SYF2: variants seen among roughly 807,000 people sequenced by gnomAD.
SYF2 encodes the protein pre-mRNA-splicing factor SYF2.
Under a neutral mutation model 32.7 loss-of-function variants are expected in SYF2, and 21 were observed. That is an observed-to-expected ratio of 0.64 (90% CI 0.45 to 0.92). SYF2 has a LOEUF of 0.92. Among genes scored for constraint, SYF2 ranks in the 40% least tolerant of loss-of-function variants. The pLI, the probability that SYF2 is intolerant of heterozygous loss-of-function variation, is 0.00. For missense variants in SYF2, 278 were observed against 296.5 expected (o/e 0.94, Z 0.46); for synonymous variants, 114 against 103.9 (o/e 1.10, Z -0.59).
chr1:25,232,287 G>A (rs1399579304), intron 1 of SYF2, 76 bp from the exon 2 acceptor site: 1 of 1,581,238 alleles, frequency 6.3e-7, no homozygotes, highest in Non-Finnish European at 8.6e-7. Context: ...GTCCCCGCCG[G>A]TCCCCACAGG....
At chr1:25,228,858 G>T in intron 3 of SYF2, 140 bp downstream of exon 3, 1 of 847,994 alleles carries the variant, frequency 1.2e-6, no homozygotes, top group Non-Finnish European at 1.8e-6. Flanking sequence ...CCAACGTGTT[G>T]CAGTTGGTAC....
chr1:25,223,962 G>A (rs1235765384), intron 6 of SYF2, among the ~76,000 whole-genome samples: 1 of 152,198 alleles, frequency 6.6e-6, no homozygotes, highest in Non-Finnish European at 1.5e-5. Context: ...GGGAGGCCAA[G>A]GCAGGTAGAT....
At chr1:25,231,959 G>T (rs1265142831) in intron 2 of SYF2, 145 bp downstream of exon 2, 15 of 812,282 alleles carry the variant, frequency 1.8e-5, no homozygotes. Context: ...TGCCAGGGTT[G>T]AGTACCACCG....
chr1:25,231,432 T>A (rs1368720938), intron 2 of SYF2: 1 of 152,316 alleles, frequency 6.6e-6, no homozygotes, highest in Non-Finnish European at 1.5e-5. Flanking sequence ...CTTGGATATC[T>A]CTTTCTCTAA....
rs1190205868 is a variant in SYF2 at position 25,223,236 on chromosome 1, T to G, written c.*30A>C. 3.2e-6 allele frequency: 5 copies of G among 1,551,386 alleles called. No individual in the cohort carries two copies. The highest frequency in any genetic ancestry group is 4.3e-6 in the Non-Finnish European group (5 of 1,149,966). On this transcript the variant is annotated 3_prime_UTR_variant, in exon 7 of 7. Transcript: ENST00000236273. ...GCTAGCAGAAATTTTTACCCCATTCTCAAGCTTCTATAAACAGTTCTTGAA... is the reference window on the plus strand; with the variant it reads ...GCTAGCAGAAATTTTTACCCCATTCGCAAGCTTCTATAAACAGTTCTTGAA...
At chr1:25,231,870 A>G (rs527818647) in intron 2 of SYF2, 355 of 596,884 alleles carry the variant, frequency 5.9e-4, no homozygotes, top group Non-Finnish European at 4.1e-4. Context: ...ACCCAGATAC[A>G]TTAAATTGGA....
rs998689330 is a variant in SYF2 at position 25,222,393 on chromosome 1, T to G, written c.*873A>C. 1.3e-5 allele frequency among the ~76,000 whole-genome samples: 2 copies of G among 151,962 alleles called. No individual in the cohort carries two copies. Among genetic ancestry groups the G allele is most frequent in the Non-Finnish European group, 2.9e-5 (2 of 68,014 alleles). ...TATTGTGGTCATTTAAGTCTTTATC[T>G]TTCAGAGATACATACTAAAATAATT... On this transcript the variant is annotated 3_prime_UTR_variant, in exon 7 of 7. Coordinates refer to ENST00000236273, the MANE Select transcript of SYF2 (RefSeq NM_015484.5).
intron 2 of SYF2, 188 bp downstream of exon 2, chr1:25,231,916 T>C (rs1439327352): frequency 4.4e-6 from 3 of 683,888 alleles, no homozygotes; most frequent in East Asian, 5.5e-5. Context: ...AACAGTTATA[T>C]TTTCAAATGT....
At position 25,228,209 on chromosome 1, in the gene SYF2, A is replaced by T. The variant is rs924615820; in HGVS notation, c.285T>A (p.Tyr95Ter). ...TGATCTCCAGCAACTTCACTTTCTC[A>T]TAGTCTTCTCCTCTTGCCGCACATT... Reference protein sequence around the residue: ...KKECAARGEDYEKVKLLEISA... With the variant: ...KKECAARGED Residue 95 changes from tyrosine to a stop codon, truncating the protein, a stop_gained, in exon 4 of 7, where the codon TAT becomes TAA. Coordinates refer to ENST00000236273, the MANE Select transcript of SYF2 (RefSeq NM_015484.5). LOFTEE classifies it high-confidence loss of function. 1.4e-5 allele frequency: 22 copies of T among 1,613,320 alleles called. No homozygotes were observed. The highest frequency in any genetic ancestry group is 1.8e-5 in the Non-Finnish European group (21 of 1,179,912).
rs767639698 is a variant in SYF2 at position 25,227,499 on chromosome 1, C to A, written c.410G>T (p.Arg137Leu). The A allele has an allele frequency of 6.2e-7, 1 of 1,613,558 alleles. No homozygotes were observed. Among genetic ancestry groups the A allele is most frequent in the Non-Finnish European group, 8.5e-7 (1 of 1,179,878 alleles). ...YAAAQLRQYH[R>L]LTKQIKPDME... ...GTCAGGTTTGATCTGCTTGGTCAACCGATGATACTGGCGTAACTGGGCAGC... is the reference window on the plus strand; with the variant it reads ...GTCAGGTTTGATCTGCTTGGTCAACAGATGATACTGGCGTAACTGGGCAGC... The change falls in exon 5 of 7, where the codon CGG becomes CTG. Residue 137 changes from arginine to leucine, a missense_variant. By Grantham distance (102) the Arg-to-Leu change is moderately radical. Transcript: ENST00000236273.
At chr1:25,227,355 A>T in intron 5 of SYF2, 87 bp downstream of exon 5, 9 of 1,098,272 alleles carry the variant, frequency 8.2e-6, no homozygotes, top group Non-Finnish European at 9.4e-6. Context: ...ATACCTTAGC[A>T]TTAAAGCATG....
intron 2 of SYF2, 169 bp downstream of exon 2, chr1:25,231,935 T>C: frequency 1.4e-6 from 1 of 718,654 alleles, no homozygotes; most frequent in South Asian, 1.5e-5. Context: ...GTTCTCAGAA[T>C]GATCCCAATG....
At chr1:25,225,869 A>T (rs1638499841) in intron 5 of SYF2, among the ~76,000 whole-genome samples, 1 of 149,672 alleles carries the variant, frequency 6.7e-6, no homozygotes, top group Admixed American at 6.7e-5. Context: ...AAAAAAAAAA[A>T]ATAGGGCCAT....
chr1:25,225,168 G>C, intron 5 of SYF2, 68 bp from the exon 6 acceptor site: 2 of 1,001,316 alleles, frequency 2.0e-6, no homozygotes, highest in Non-Finnish European at 3.2e-6. Flanking sequence ...TCAAACTAAA[G>C]TACCATACAT....
intron 5 of SYF2, 21 bp downstream of exon 5, chr1:25,227,421 T>G: frequency 6.3e-7 from 1 of 1,597,096 alleles, no homozygotes; most frequent in South Asian, 1.1e-5. Flanking sequence ...CCACATCACC[T>G]CAGGTTGAAA....
intron 2 of SYF2, among the ~76,000 whole-genome samples, chr1:25,229,871 C>A (rs1055145672): frequency 6.6e-6 from 1 of 150,876 alleles, no homozygotes; most frequent in African/African-American, 2.4e-5. Flanking sequence ...AGCTGGAGTA[C>A]AGTGGAGCCA....
Position 25,223,100 on chromosome 1 carries a change from T to C in SYF2, c.*166A>G. The C allele has an allele frequency of 3.6e-6, 2 of 561,530 alleles. No homozygotes were observed. Among genetic ancestry groups the C allele is most frequent in the Non-Finnish European group, 6.0e-6 (2 of 335,350 alleles). The allele number at this position is 561,530 out of a possible 1,614,324, so 34.8% of individuals were successfully genotyped here. On this transcript the variant is annotated 3_prime_UTR_variant, in exon 7 of 7. Transcript: ENST00000236273. ...AAGCACAAAAATGTGGAAATATACATGAAAGGATATACGTTTAAGAAACCA... is the reference window on the plus strand; with the variant it reads ...AAGCACAAAAATGTGGAAATATACACGAAAGGATATACGTTTAAGAAACCA...
Position 25,232,179 on chromosome 1 carries a change from G to A in SYF2, c.57C>T (p.Leu19=), listed in dbSNP as rs1638645040. The change falls in exon 2 of 7, where the codon CTC becomes CTT. Residue 19 remains leucine, a synonymous_variant. Transcript: ENST00000236273. ...VLVDSAEEGS[L]AAAAELAAQK... ...GAGCGGCCAGCTCCGCCGCCGCAGC[G>A]AGGGACCCCTCCTCCGCGCTGTCCA... 4 of 1,613,914 alleles carry A rather than the reference G, an allele frequency of 2.5e-6. No individual in the cohort carries two copies. Among genetic ancestry groups the A allele is most frequent in the Non-Finnish European group, 3.4e-6 (4 of 1,180,022 alleles).
intron 2 of SYF2, 76 bp from the exon 3 acceptor site, chr1:25,229,199 G>A: frequency 6.5e-7 from 1 of 1,529,034 alleles, no homozygotes; most frequent in Non-Finnish European, 8.8e-7. Flanking sequence ...TCTTTGAGGA[G>A]GGTCAGGCAG....
Sources: gnomAD v4.1 joint callset for allele counts (sites outside exome capture counted in the v4.1 genomes callset) on GRCh38, gnomAD v4.1.1 for gene constraint, MANE v1.5 for transcripts, NCBI Gene and HGNC (gene_info 2026-07-23, HGNC 2026-07-21) for gene names.